Variants in HYCC1 observed in about 807,000 individuals in gnomAD.
HYCC1 encodes hyccin.
chr7:22,931,557 C>G, the HYCC1 span, among the ~76,000 whole-genome samples: 1 of 152,074 alleles, frequency 6.6e-6, no homozygotes, highest in African/African-American at 2.4e-5. Context: ...GATAGAAAAC[C>G]TAAATTGCTT....
chr7:22,984,072 T>G, the HYCC1 span: 2 of 1,369,788 alleles, frequency 1.5e-6, no homozygotes, highest in Non-Finnish European at 2.1e-6. Context: ...AAATACATTT[T>G]ACTTTTATGA....
chr7:23,004,501 T>C, the HYCC1 span, among the ~76,000 whole-genome samples: 1 of 152,204 alleles, frequency 6.6e-6, no homozygotes, highest in Non-Finnish European at 1.5e-5. Context: ...AGGCTGGCCT[T>C]TCTGAGGTGC....
the HYCC1 span, among the ~76,000 whole-genome samples, chr7:22,999,385 ATAAC>A: frequency 6.6e-6 from 1 of 152,234 alleles, no homozygotes; most frequent in African/African-American, 2.4e-5. Flanking sequence ...GTAAGCCCTG[ATAAC>A]TAACATACAA....
At chr7:22,947,135 T>A in the HYCC1 span, 1 of 1,550,516 alleles carries the variant, frequency 6.4e-7, no homozygotes. Context: ...TCTCTCCTAG[T>A]GTTCTGCCTT....
At chr7:22,958,068 A>T in the HYCC1 span, among the ~76,000 whole-genome samples, 1 of 152,020 alleles carries the variant, frequency 6.6e-6, no homozygotes, top group Non-Finnish European at 1.5e-5. Flanking sequence ...AATTGTCTAT[A>T]TATCTAAGAA....
At chr7:22,969,012 A>G in the HYCC1 span, among the ~76,000 whole-genome samples, 2 of 152,012 alleles carry the variant, frequency 1.3e-5, no homozygotes, top group African/African-American at 4.8e-5. Flanking sequence ...AAAGTGGACA[A>G]TGTAAGCCTT....
the HYCC1 span, among the ~76,000 whole-genome samples, chr7:22,907,514 G>A: frequency 6.6e-6 from 1 of 152,172 alleles, no homozygotes; most frequent in Non-Finnish European, 1.5e-5. Context: ...ACTTCAATGA[G>A]CCAAATATTT....
chr7:23,009,666 A>T, the HYCC1 span, among the ~76,000 whole-genome samples: 2 of 152,100 alleles, frequency 1.3e-5, no homozygotes, highest in Non-Finnish European at 2.9e-5. Flanking sequence ...AGAAAAAAAA[A>T]GGTGGTGAGG....
At chr7:23,000,843 G>A in the HYCC1 span, among the ~76,000 whole-genome samples, 2 of 151,642 alleles carry the variant, frequency 1.3e-5, no homozygotes, top group Non-Finnish European at 2.9e-5. Flanking sequence ...GCCACATGAA[G>A]ACAGACCTCG....
the HYCC1 span, among the ~76,000 whole-genome samples, chr7:22,930,597 AG>A: frequency 2.0e-5 from 3 of 151,974 alleles, no homozygotes; most frequent in African/African-American, 4.8e-5. Flanking sequence ...AAAATAGAGA[AG>A]GGGGGAACTC....
At chr7:22,920,759 T>C in the HYCC1 span, among the ~76,000 whole-genome samples, 3 of 152,192 alleles carry the variant, frequency 2.0e-5, no homozygotes, top group Middle Eastern at 3.2e-3. Flanking sequence ...ATGGTTGGAA[T>C]GTGTGTCCCC....
At chr7:22,936,499 G>C in the HYCC1 span, 1 of 152,216 alleles carries the variant, frequency 6.6e-6, no homozygotes, top group African/African-American at 2.4e-5. Context: ...TGATTATTTA[G>C]CACCTCCTTC....
chr7:22,948,503 T>C, the HYCC1 span, among the ~76,000 whole-genome samples: 5 of 152,110 alleles, frequency 3.3e-5, no homozygotes, highest in Admixed American at 2.6e-4. Flanking sequence ...GACCTGGGCA[T>C]AAGATTTTTA....
chr7:22,948,201 A>G, the HYCC1 span, among the ~76,000 whole-genome samples: 1 of 152,108 alleles, frequency 6.6e-6, no homozygotes, highest in East Asian at 1.9e-4. Flanking sequence ...GTTCAAAGCA[A>G]CATAAGACTA....
At chr7:22,915,071 T>C in the HYCC1 span, among the ~76,000 whole-genome samples, 1 of 152,190 alleles carries the variant, frequency 6.6e-6, no homozygotes. Context: ...CATGGCCCAT[T>C]TGGCAACAAC....
the HYCC1 span, among the ~76,000 whole-genome samples, chr7:22,988,492 T>C: frequency 5.9e-5 from 9 of 152,310 alleles, no homozygotes; most frequent in African/African-American, 1.7e-4. Context: ...ATACTCTGGT[T>C]TCTTGTAGTG....
the HYCC1 span, among the ~76,000 whole-genome samples, chr7:22,961,596 C>T: frequency 6.6e-6 from 1 of 152,078 alleles, no homozygotes; most frequent in Non-Finnish European, 1.5e-5. Context: ...AAGGCAATTT[C>T]AAAGCATTTT....
At chr7:22,922,324 G>A in the HYCC1 span, among the ~76,000 whole-genome samples, 2 of 152,168 alleles carry the variant, frequency 1.3e-5, no homozygotes, top group Non-Finnish European at 2.9e-5. Flanking sequence ...CTCAATTTAC[G>A]ATAGGGTTAT....
chr7:22,912,221 G>A, the HYCC1 span, among the ~76,000 whole-genome samples: 253 of 152,286 alleles, frequency 1.7e-3, 2 homozygotes, highest in Non-Finnish European at 3.0e-3. Context: ...CTAAAACTCA[G>A]AAGGAACCAA....
Sources: allele counts gnomAD v4.1 joint callset (sites outside exome capture counted in the v4.1 genomes callset), GRCh38; gene constraint gnomAD v4.1.1; transcripts MANE v1.5; gene names NCBI Gene and HGNC (gene_info 2026-07-23, HGNC 2026-07-21).